Variants in PTPRD observed in about 807,000 individuals in gnomAD.
The protein encoded by PTPRD is protein tyrosine phosphatase receptor type D.
In PTPRD, 34 loss-of-function variants were observed where a neutral mutation model predicts 214.5. The ratio of observed to expected loss-of-function variants is 0.16; its 90% confidence interval spans 0.12 to 0.21. The LOEUF is 0.21. Among genes scored for constraint, PTPRD ranks in the 10% least tolerant of loss-of-function variants. The probability of loss-of-function intolerance (pLI) is 1.00; values close to 1 mark genes in which losing one functional copy is unlikely to be tolerated. For synonymous variants in PTPRD, 1,128 were observed against 845.7 expected (o/e 1.33, Z -5.79); for missense variants, 2,545 against 2,398.7 (o/e 1.06, Z -1.27).
chr9:8,506,253 T>A lies in PTPRD; in HGVS notation c.1677+1048A>T, dbSNP rs150675032. 3.0e-3 allele frequency among the ~76,000 whole-genome samples: 451 copies of A among 152,322 alleles called. 1 individual carries two copies. The highest frequency in any genetic ancestry group is 0.01 in the African/African-American group (430 of 41,574). ...ACTGTTTCACTTTGTGAAGATTTTTTTTTCAGATAAAAAATGCTAAGAGGC... is the reference window on the plus strand; with the variant it reads ...ACTGTTTCACTTTGTGAAGATTTTTATTTCAGATAAAAAATGCTAAGAGGC... On this transcript the variant is annotated intron_variant, in intron 22 of 45. Transcript: ENST00000381196.
chr9:9,924,295 G>A (rs536901495), intron 5 of PTPRD, among the ~76,000 whole-genome samples: 1 of 151,916 alleles, frequency 6.6e-6, no homozygotes, highest in African/African-American at 2.4e-5. Context: ...AACAATTAAG[G>A]TAGTTACCAA....
At chr9:8,700,812 T>G (rs1361084666) in intron 12 of PTPRD, 1 of 152,236 alleles carries the variant, frequency 6.6e-6, no homozygotes, top group Non-Finnish European at 1.5e-5. Flanking sequence ...TCAAGGTGTC[T>G]TGTCCTTTAA....
At chr9:9,200,101 G>T (rs1198386307) in intron 9 of PTPRD, among the ~76,000 whole-genome samples, 1 of 152,176 alleles carries the variant, frequency 6.6e-6, no homozygotes, top group Non-Finnish European at 1.5e-5. Flanking sequence ...CTGTCTGTTA[G>T]CGAGGAAATA....
At chr9:9,533,505 C>G (rs1211027402) in intron 8 of PTPRD, among the ~76,000 whole-genome samples, 1 of 151,878 alleles carries the variant, frequency 6.6e-6, no homozygotes, top group Non-Finnish European at 1.5e-5. Context: ...ATTTTCTTTT[C>G]AGGCTGTTTT....
intron 3 of PTPRD, among the ~76,000 whole-genome samples, chr9:10,278,975 C>T (rs1469347950): frequency 3.9e-5 from 6 of 152,096 alleles, no homozygotes; most frequent in South Asian, 2.1e-4. Context: ...GGGGCTTCAC[C>T]GTGTTAGCCA....
intron 35 of PTPRD, among the ~76,000 whole-genome samples, chr9:8,434,042 T>G (rs1159926668): frequency 2.6e-5 from 4 of 152,066 alleles, no homozygotes; most frequent in Non-Finnish European, 5.9e-5. Context: ...AGTGCAATGG[T>G]GCGACCCTTG....
intron 36 of PTPRD, among the ~76,000 whole-genome samples, chr9:8,402,080 A>C (rs1318893417): frequency 6.6e-6 from 1 of 152,194 alleles, no homozygotes; most frequent in African/African-American, 2.4e-5. Flanking sequence ...ACTGCCCTCA[A>C]GAATACCTGC....
chr9:10,226,989 T>C lies in PTPRD; in HGVS notation c.-545+113974A>G, dbSNP rs73398358. Among the ~76,000 whole-genome samples the C allele has an allele frequency of 3.4e-3, 523 of 152,076 alleles. 2 individuals carry two copies. Among genetic ancestry groups the C allele is most frequent in the African/African-American group, 0.012 (486 of 41,538 alleles). Reference sequence around the variant, plus strand: ...GTTTTTGTAGAGGACTGATGAAATATAAACGACGTTGGCAAAATTATCAAA... The same window carrying C: ...GTTTTTGTAGAGGACTGATGAAATACAAACGACGTTGGCAAAATTATCAAA... On this transcript the variant is annotated intron_variant, in intron 3 of 45. Transcript: ENST00000381196.
intron 3 of PTPRD, among the ~76,000 whole-genome samples, chr9:10,243,668 A>G (rs2091551063): frequency 6.6e-6 from 1 of 152,008 alleles, no homozygotes; most frequent in Non-Finnish European, 1.5e-5. Context: ...TTGGAGATAT[A>G]CATAGTAACA....
intron 36 of PTPRD, among the ~76,000 whole-genome samples, chr9:8,393,194 C>G (rs1331985792): frequency 6.6e-6 from 1 of 151,940 alleles, no homozygotes; most frequent in Non-Finnish European, 1.5e-5. Context: ...CTGCCTTTTC[C>G]AAAAAATGAT....
intron 8 of PTPRD, among the ~76,000 whole-genome samples, chr9:9,450,807 G>C (rs926172659): frequency 6.6e-6 from 1 of 151,504 alleles, no homozygotes; most frequent in Non-Finnish European, 1.5e-5. Context: ...CAAAGTAATA[G>C]AGTTTACTAC....
At chr9:9,382,522 G>C (rs1191274381) in intron 9 of PTPRD, among the ~76,000 whole-genome samples, 1 of 152,086 alleles carries the variant, frequency 6.6e-6, no homozygotes, top group African/African-American at 2.4e-5. Flanking sequence ...CAAAGGGCTT[G>C]AATAGACATT....
At chr9:9,042,547 A>G (rs2099643254) in intron 10 of PTPRD, among the ~76,000 whole-genome samples, 1 of 152,024 alleles carries the variant, frequency 6.6e-6, no homozygotes, top group African/African-American at 2.4e-5. Context: ...ATGAGAAATT[A>G]GAGTCACTTA....
At chr9:8,705,226 T>C (rs563581962) in intron 12 of PTPRD, among the ~76,000 whole-genome samples, 26 of 150,488 alleles carry the variant, frequency 1.7e-4, no homozygotes, top group Non-Finnish European at 2.2e-4. Context: ...TTGTTGTTAC[T>C]GTTGTTTTGT....
intron 10 of PTPRD, among the ~76,000 whole-genome samples, chr9:9,149,137 C>T (rs770663520): frequency 6.6e-6 from 1 of 152,146 alleles, no homozygotes; most frequent in African/African-American, 2.4e-5. Context: ...ACCTGGATAA[C>T]CTTGAGCAAG....
At chr9:9,459,251 G>A (rs929125069) in intron 8 of PTPRD, among the ~76,000 whole-genome samples, 36 of 152,042 alleles carry the variant, frequency 2.4e-4, no homozygotes, top group African/African-American at 8.2e-4. Context: ...ACATCATACT[G>A]AATGGGGAAA....
chr9:8,524,763 C>A, intron 18 of PTPRD, 162 bp downstream of exon 18: 1 of 762,052 alleles, frequency 1.3e-6, no homozygotes, highest in Non-Finnish European at 2.4e-6. Context: ...TTAAACAACA[C>A]ATTTTAAATT....
intron 14 of PTPRD, among the ~76,000 whole-genome samples, chr9:8,611,102 T>A: frequency 6.6e-6 from 1 of 152,186 alleles, no homozygotes. Flanking sequence ...AAGATTACAT[T>A]TCTTATAATC....
chr9:10,584,662 G>T (rs1404663007), intron 2 of PTPRD, among the ~76,000 whole-genome samples: 1 of 152,024 alleles, frequency 6.6e-6, no homozygotes, highest in Non-Finnish European at 1.5e-5. Context: ...ACCTAGATTT[G>T]TGTCACTCAA....
Sources: allele counts gnomAD v4.1 joint callset (sites outside exome capture counted in the v4.1 genomes callset), GRCh38; gene constraint gnomAD v4.1.1; transcripts MANE v1.5; gene names NCBI Gene and HGNC (gene_info 2026-07-23, HGNC 2026-07-21).